Variants in TEX10 observed in about 807,000 individuals in gnomAD.
TEX10 encodes testis-expressed protein 10.
TEX10 carries 24 observed loss-of-function variants against 104.4 expected under a neutral mutation model. The ratio of observed to expected loss-of-function variants is 0.23; its 90% CI spans 0.17 to 0.32. The LOEUF (loss-of-function observed/expected upper bound fraction) is 0.32, where lower values mean the gene tolerates loss of function less well. Among genes scored for constraint, TEX10 ranks in the 10% least tolerant of loss-of-function variants. TEX10 has a pLI of 1.00. For synonymous variants in TEX10, 396 were observed against 393.4 expected, an observed-to-expected ratio of 1.01 and a Z score of -0.08; for missense variants, 921 against 1,083.9, an observed-to-expected ratio of 0.85 and a Z score of 2.11.
intron 13 of TEX10, chr9:100,305,838 AG>A (rs1167296493): frequency 7.2e-5 from 11 of 152,264 alleles, no homozygotes; most frequent in Admixed American, 7.2e-4. Flanking sequence ...ATGGGAAGCC[AG>A]GAAAATGCAA....
chr9:100,315,951 T>C (rs1421145695), intron 11 of TEX10, among the ~76,000 whole-genome samples: 1 of 152,238 alleles, frequency 6.6e-6, no homozygotes, highest in Non-Finnish European at 1.5e-5. Context: ...AATCTCCTGG[T>C]AGGCTTGGAA....
intron 8 of TEX10, 90 bp downstream of exon 8, chr9:100,327,697 G>A (rs1013592197): frequency 1.8e-6 from 2 of 1,107,192 alleles, no homozygotes; most frequent in Non-Finnish European, 1.2e-6. Context: ...CTAAGGGAAA[G>A]GCAAAATTAC....
At position 100,346,056 on chromosome 9, in the gene TEX10, A is replaced by G; in HGVS notation, c.1137+16T>C. 1 of 1,589,422 alleles carries G rather than the reference A, an allele frequency of 6.3e-7. No individual in the cohort carries two copies. Among genetic ancestry groups the G allele is most frequent in the Non-Finnish European group, 8.6e-7 (1 of 1,168,470 alleles). ...GGCTATTAATACTAAGAAAATAAAG[A>G]ACCATTAGTTCTCACCAATTTATGG... On this transcript the variant is annotated intron_variant, in intron 4 of 14. Coordinates refer to ENST00000374902, the MANE Select transcript of TEX10 (RefSeq NM_017746.4).
chr9:100,318,177 T>G (rs1220031030), intron 11 of TEX10, among the ~76,000 whole-genome samples: 2 of 152,216 alleles, frequency 1.3e-5, no homozygotes, highest in Admixed American at 1.3e-4. Context: ...TGCAGGACTA[T>G]TCACAATTCA....
intron 13 of TEX10, 174 bp from the exon 14 acceptor site, chr9:100,304,016 A>AAT (rs1834083355): frequency 1.6e-6 from 1 of 631,586 alleles, no homozygotes; most frequent in Admixed American, 2.7e-5. Context: ...CACACACACT[A>AAT]AATACCTAGG....
chr9:100,338,881 ACT>A (rs1254224134), intron 5 of TEX10, among the ~76,000 whole-genome samples: 1 of 151,666 alleles, frequency 6.6e-6, no homozygotes, highest in Non-Finnish European at 1.5e-5. Context: ...ACAGAGTGAG[ACT>A]CTGTCTCAAA....
intron 1 of TEX10, among the ~76,000 whole-genome samples, chr9:100,351,134 G>A (rs1293041468): frequency 6.6e-6 from 1 of 152,036 alleles, no homozygotes; most frequent in East Asian, 1.9e-4. Flanking sequence ...TGCAAGGTAG[G>A]TGGAACTAAA....
intron 1 of TEX10, 35 bp from the exon 2 acceptor site, chr9:100,349,407 AGAGAC>A: frequency 7.1e-7 from 1 of 1,416,574 alleles, no homozygotes; most frequent in Non-Finnish European, 9.4e-7. Flanking sequence ...AGCAATGGAT[AGAGAC>A]AAGAATAAAT....
chr9:100,302,117 T>C lies in TEX10; in HGVS notation c.*74A>G. 1.2e-6 allele frequency: 1 copy of C among 863,720 alleles called. No individual in the cohort carries two copies. Among genetic ancestry groups the C allele is most frequent in the Non-Finnish European group, 1.7e-6 (1 of 572,888 alleles). The allele number at this position is 863,720 out of a possible 1,614,324, so 53.5% of individuals were successfully genotyped here. A position where few individuals can be genotyped will look rare whatever the true frequency, so the allele number is the denominator to read the frequency against. The stretch of plus-strand genomic sequence containing the variant: ...AAGTTCAGCTTTAATGACAAAGATC[T>C]ATTACATCAGTCTTTTTCTTCAAAT... On this transcript the variant is annotated 3_prime_UTR_variant, in exon 15 of 15. Transcript: ENST00000374902.
chr9:100,335,922 A>G (rs544370839), intron 5 of TEX10, among the ~76,000 whole-genome samples: 1 of 152,156 alleles, frequency 6.6e-6, no homozygotes, highest in South Asian at 2.1e-4. Context: ...TATCAGGTTA[A>G]AAATACAGGC....
At chr9:100,326,083 AC>A (rs1312864150) in intron 9 of TEX10, among the ~76,000 whole-genome samples, 2 of 152,080 alleles carry the variant, frequency 1.3e-5, no homozygotes, top group Admixed American at 6.6e-5. Context: ...TTCTATTTCA[AC>A]CCTTATTCCA....
intron 1 of TEX10, chr9:100,352,344 A>G: frequency 6.5e-7 from 1 of 1,550,280 alleles, no homozygotes; most frequent in Non-Finnish European, 8.7e-7. Flanking sequence ...CTGGGCGACC[A>G]GAGGACGGAA....
At chr9:100,335,912 T>C (rs190961562) in intron 5 of TEX10, among the ~76,000 whole-genome samples, 3 of 152,050 alleles carry the variant, frequency 2.0e-5, no homozygotes, top group Admixed American at 2.0e-4. Flanking sequence ...AAAATGTAGG[T>C]ATCAGGTTAA....
intron 11 of TEX10, among the ~76,000 whole-genome samples, chr9:100,318,511 A>G (rs184309356): frequency 2.6e-5 from 4 of 152,360 alleles, no homozygotes; most frequent in Admixed American, 2.6e-4. Context: ...CTTAATGGGT[A>G]CAGTGTACAT....
chr9:100,303,990 A>C, intron 13 of TEX10, 148 bp from the exon 14 acceptor site: 2 of 708,966 alleles, frequency 2.8e-6, no homozygotes, highest in Non-Finnish European at 2.5e-6. Flanking sequence ...ACGCAATCTC[A>C]CTTACAATAG....
chr9:100,319,250 T>C (rs535253042), intron 11 of TEX10, among the ~76,000 whole-genome samples: 23 of 152,166 alleles, frequency 1.5e-4, no homozygotes, highest in African/African-American at 4.8e-4. Flanking sequence ...CTTTTTAAAG[T>C]CAGTAGTTAA....
chr9:100,344,022 G>C (rs1835239849), intron 4 of TEX10, among the ~76,000 whole-genome samples: 1 of 152,124 alleles, frequency 6.6e-6, no homozygotes. Flanking sequence ...TTGTACCAAT[G>C]ATGTACATTT....
At position 100,349,201 on chromosome 9, in the gene TEX10, TA is replaced by T; in HGVS notation, c.162del (p.Asn54LysfsTer6). 1 of 1,548,696 alleles carries T rather than the reference TA, an allele frequency of 6.5e-7. No homozygotes were observed. ...TGATTTACCTTTATGTTAAGTTTTC[TA>T]TTGTTTGTTGGAAGTGTTCCATCCT... is the stretch of plus-strand genomic sequence containing the variant. ...LKEDGTLPTN[N>X]RKLNIKDLLS... On this transcript the variant is annotated frameshift_variant, in exon 2 of 15. Coordinates refer to ENST00000374902, the MANE Select transcript of TEX10 (RefSeq NM_017746.4). LOFTEE classifies it high-confidence loss of function.
At chr9:100,336,769 C>T (rs930326474) in intron 5 of TEX10, among the ~76,000 whole-genome samples, 3 of 152,160 alleles carry the variant, frequency 2.0e-5, no homozygotes, top group Admixed American at 6.6e-5. Context: ...GGTTGGGGAC[C>T]GTTGGCCTAG....
Sources: gnomAD v4.1 joint callset for allele counts (sites outside exome capture counted in the v4.1 genomes callset) on GRCh38, gnomAD v4.1.1 for gene constraint, MANE v1.5 for transcripts, NCBI Gene and HGNC (gene_info 2026-07-23, HGNC 2026-07-21) for gene names.